SNRK: variants seen among roughly 807,000 people sequenced by gnomAD.
SNRK encodes the protein SNF-related serine/threonine-protein kinase.
A neutral mutation model predicts 48.2 loss-of-function variants in SNRK; 3 were observed. The ratio of observed to expected loss-of-function variants is 0.06; its 90% CI spans 0.03 to 0.16. The LOEUF is 0.16. SNRK is among the 10% of genes least tolerant of loss of function. The probability of loss-of-function intolerance (pLI) is 1.00; values close to 1 mark genes in which losing one functional copy is unlikely to be tolerated. For missense variants in SNRK, 627 were observed against 976.0 expected (o/e 0.64, Z 4.76); for synonymous variants, 376 against 366.1 (o/e 1.03, Z -0.31).
intron 3 of SNRK, among the ~76,000 whole-genome samples, chr3:43,322,801 A>C (rs1298535840): frequency 6.6e-6 from 1 of 151,806 alleles, no homozygotes; most frequent in East Asian, 1.9e-4. Flanking sequence ...AAATACAAAA[A>C]ATTAGCTGGG....
chr3:43,317,334 T>G (rs931403755), intron 3 of SNRK, among the ~76,000 whole-genome samples: 5 of 152,120 alleles, frequency 3.3e-5, no homozygotes, highest in African/African-American at 1.2e-4. Flanking sequence ...GAGAGGAGGA[T>G]CTGGGGCTTT....
intron 1 of SNRK, among the ~76,000 whole-genome samples, chr3:43,297,447 CGTAA>C (rs1375787148): frequency 8.6e-5 from 13 of 151,982 alleles, no homozygotes; most frequent in East Asian, 1.9e-4. Flanking sequence ...CCCCCAAGCC[CGTAA>C]GTATTATCCC....
At chr3:43,332,043 G>A in intron 3 of SNRK, 126 bp from the exon 4 acceptor site, 1 of 661,736 alleles carries the variant, frequency 1.5e-6, no homozygotes, top group African/African-American at 1.9e-5. Flanking sequence ...TTTCCTTCAT[G>A]GATGTTTGTA....
At chr3:43,316,431 C>T (rs2091013799) in intron 3 of SNRK, among the ~76,000 whole-genome samples, 1 of 152,042 alleles carries the variant, frequency 6.6e-6, no homozygotes, top group South Asian at 2.1e-4. Context: ...TATTCAGAAG[C>T]TTCCATGCAA....
At chr3:43,340,593 T>C (rs2091227686) in intron 5 of SNRK, 94 bp downstream of exon 5, 2 of 1,053,448 alleles carry the variant, frequency 1.9e-6, no homozygotes, top group African/African-American at 1.6e-5. Flanking sequence ...ACCTGTGTAA[T>C]AGATAAGAGT....
In SNRK at chr3:43,338,232, T is replaced by C. The variant is rs184451730; in HGVS notation, c.732-2055T>C. 2.6e-3 allele frequency among the ~76,000 whole-genome samples: 390 copies of C among 152,352 alleles called. 2 individuals carry two copies. The highest frequency in any genetic ancestry group is 4.4e-3 in the Non-Finnish European group (300 of 68,034). On this transcript the variant is annotated intron_variant, in intron 4 of 6. Transcript: ENST00000296088. ...CCTTCCAAGTGGAATCACACTATCC[T>C]GTCAAAATAAAATTGTTTAGAATTT... is the stretch of plus-strand genomic sequence containing the variant.
chr3:43,286,984 G>T (rs1295807902), intron 1 of SNRK, among the ~76,000 whole-genome samples: 1 of 146,600 alleles, frequency 6.8e-6, no homozygotes, highest in Non-Finnish European at 1.5e-5. Flanking sequence ...TTGCGGCCGC[G>T]GCGGGATTGC....
intron 3 of SNRK, among the ~76,000 whole-genome samples, chr3:43,324,245 C>T (rs969290517): frequency 4.6e-5 from 7 of 152,172 alleles, no homozygotes; most frequent in Non-Finnish European, 1.0e-4. Context: ...CGTGGTGGCT[C>T]ACGCCTGTAA....
At chr3:43,320,432 C>A (rs2091044887) in intron 3 of SNRK, among the ~76,000 whole-genome samples, 1 of 152,098 alleles carries the variant, frequency 6.6e-6, no homozygotes, top group Non-Finnish European at 1.5e-5. Flanking sequence ...ATTGGGAGCT[C>A]CAGTAGGTGG....
intron 3 of SNRK, among the ~76,000 whole-genome samples, chr3:43,319,986 T>C (rs781057775): frequency 6.6e-6 from 1 of 152,232 alleles, no homozygotes; most frequent in East Asian, 1.9e-4. Flanking sequence ...TGCAAGCTTA[T>C]GAGGTTGAGA....
At chr3:43,341,311 C>T (rs1295235846) in intron 5 of SNRK, among the ~76,000 whole-genome samples, 7 of 152,114 alleles carry the variant, frequency 4.6e-5, no homozygotes, top group African/African-American at 9.7e-5. Context: ...CAACCACGCC[C>T]GGCTAATTTT....
At chr3:43,307,422 C>T (rs2090946252) in intron 3 of SNRK, among the ~76,000 whole-genome samples, 1 of 152,168 alleles carries the variant, frequency 6.6e-6, no homozygotes, top group Non-Finnish European at 1.5e-5. Context: ...AAGGTTGCCG[C>T]AACCCTTCAT....
chr3:43,303,021 A>G lies in SNRK; in HGVS notation c.-106-77A>G, dbSNP rs1042670291. 3 of 467,214 alleles carry G rather than the reference A, an allele frequency of 6.4e-6. No homozygotes were observed. The highest frequency in any genetic ancestry group is 4.0e-5 in the African/African-American group (2 of 49,958). 28.9% of individuals were successfully genotyped at this position (467,214 alleles called of 1,614,324 possible). On this transcript the variant is annotated intron_variant, in intron 2 of 6. Transcript: ENST00000296088. The surrounding 1 kb of genome is among the most constrained non-coding windows in gnomAD (Gnocchi z 6.2). ...TCAAGTTTCTCTTAAAATGAAAAAA[A>G]CAAAAAATGAAGTGATTTTAAAGTT...
intron 1 of SNRK, among the ~76,000 whole-genome samples, chr3:43,297,434 A>G (rs906467410): frequency 2.6e-5 from 4 of 152,182 alleles, no homozygotes; most frequent in African/African-American, 7.2e-5. Context: ...TTACCCTGAC[A>G]TCCCCCCAAG....
At chr3:43,329,646 T>A (rs932909181) in intron 3 of SNRK, among the ~76,000 whole-genome samples, 1 of 152,224 alleles carries the variant, frequency 6.6e-6, no homozygotes, top group Non-Finnish European at 1.5e-5. Flanking sequence ...TTTTAGCATT[T>A]CTATATTTAG....
intron 3 of SNRK, among the ~76,000 whole-genome samples, chr3:43,310,094 G>A (rs974146274): frequency 3.9e-5 from 6 of 152,078 alleles, no homozygotes; most frequent in African/African-American, 9.7e-5. Context: ...GTCTGGAACC[G>A]AACCCACAGT....
chr3:43,311,909 T>G (rs1040766167), intron 3 of SNRK, among the ~76,000 whole-genome samples: 2 of 152,122 alleles, frequency 1.3e-5, no homozygotes, highest in Non-Finnish European at 2.9e-5. Flanking sequence ...TTTTAGAAAC[T>G]CTAAAATGGG....
chr3:43,329,941 A>C (rs2091133750), intron 3 of SNRK, among the ~76,000 whole-genome samples: 1 of 152,194 alleles, frequency 6.6e-6, no homozygotes, highest in Admixed American at 6.5e-5. Flanking sequence ...ATTTTGAATA[A>C]TTGCACTATC....
In SNRK at chr3:43,347,218, GGCT is replaced by G; in HGVS notation, c.1080-114_1080-112del. The G allele has an allele frequency of 9.2e-7, 1 of 1,092,864 alleles. No individual in the cohort carries two copies. Among genetic ancestry groups the G allele is most frequent in the South Asian group, 1.8e-5 (1 of 54,512 alleles). 67.7% of individuals were successfully genotyped at this position (1,092,864 alleles called of 1,614,324 possible). ...TACAGGATGTTGAATGGGTTTGCAA[GGCT>G]GCTGCTTTTTTCTTTAAGTCTGTAG... On this transcript the variant is annotated intron_variant, in intron 6 of 6. Transcript: ENST00000296088. The surrounding 1 kb of genome is among the most constrained non-coding windows in gnomAD (Gnocchi z 5.4).
Sources: allele counts gnomAD v4.1 joint callset (sites outside exome capture counted in the v4.1 genomes callset), GRCh38; gene constraint gnomAD v4.1.1; non-coding constraint Gnocchi (gnomAD v3.1); transcripts MANE v1.5; gene names NCBI Gene and HGNC (gene_info 2026-07-23, HGNC 2026-07-21).